Variants in CALCR observed in about 807,000 individuals in gnomAD.
CALCR encodes calcitonin receptor.
CALCR carries 47 observed loss-of-function variants against 59.5 expected under a neutral mutation model. The ratio of observed to expected loss-of-function variants is 0.79; its 90% CI spans 0.63 to 1.01. The LOEUF is 1.01. CALCR is among the 50% of genes least tolerant of loss of function. CALCR has a pLI of 0.00. For synonymous variants in CALCR, 213 were observed against 211.3 expected, an observed-to-expected ratio of 1.01 and a Z score of -0.07; for missense variants, 566 against 597.1, an observed-to-expected ratio of 0.95 and a Z score of 0.54.
intron 4 of CALCR, 69 bp from the exon 5 acceptor site, chr7:93,477,737 GA>G: frequency 1.0e-6 from 1 of 959,344 alleles, no homozygotes. Flanking sequence ...TTGATCCCAA[GA>G]CGATATTACA....
chr7:93,430,257 G>GA (rs1799631433), intron 13 of CALCR, among the ~76,000 whole-genome samples: 1 of 152,114 alleles, frequency 6.6e-6, no homozygotes, highest in Non-Finnish European at 1.5e-5. Flanking sequence ...TACAACTTCT[G>GA]AAAGCTAGAT....
intron 8 of CALCR, among the ~76,000 whole-genome samples, chr7:93,460,264 G>A (rs541030405): frequency 6.6e-5 from 10 of 151,958 alleles, no homozygotes; most frequent in African/African-American, 2.2e-4. Context: ...TCTTAGAAAT[G>A]CATGGTTTGG....
chr7:93,546,590 T>TTA, intron 2 of CALCR, among the ~76,000 whole-genome samples: 1 of 151,534 alleles, frequency 6.6e-6, no homozygotes, highest in Admixed American at 6.6e-5. Context: ...TTTTTTTTTT[T>TTA]AGACAGGGTG....
rs1232531743 is a variant in CALCR at position 93,470,127 on chromosome 7, T to C, written c.430-1321A>G. The stretch of plus-strand genomic sequence containing the variant: ...ATTCCATATTTTTGGGGCATTTTCA[T>C]TGTTGATACCACTCTCTTAATAGCA... On this transcript the variant is annotated intron_variant, in intron 6 of 13. Transcript: ENST00000426151. Among the ~76,000 whole-genome samples, 27 of 151,774 alleles carry C rather than the reference T, an allele frequency of 1.8e-4. No homozygotes were observed. In the Admixed American group the frequency reaches 1.8e-3, roughly 10 times the overall value.
intron 2 of CALCR, chr7:93,495,941 G>A: frequency 6.5e-7 from 1 of 1,527,028 alleles, no homozygotes; most frequent in South Asian, 1.2e-5. Context: ...TCCTGGGGTG[G>A]CAAAAGTGGG....
At chr7:93,565,193 G>A (rs7801320) in intron 2 of CALCR, among the ~76,000 whole-genome samples, 53,167 of 151,966 alleles carry the variant, frequency 0.35, 12,154 homozygotes, top group African/African-American at 0.65. Context: ...AGTTTTCATG[G>A]CAGAACTATT....
intron 4 of CALCR, among the ~76,000 whole-genome samples, chr7:93,478,496 A>C (rs989648643): frequency 6.6e-6 from 1 of 151,720 alleles, no homozygotes; most frequent in Non-Finnish European, 1.5e-5. Flanking sequence ...GGAGACCAGC[A>C]TGGACAACAT....
chr7:93,568,866 G>A (rs1340462677), intron 2 of CALCR, among the ~76,000 whole-genome samples: 2 of 151,962 alleles, frequency 1.3e-5, no homozygotes, highest in East Asian at 1.9e-4. Flanking sequence ...TCACATGGAT[G>A]AGCCAAAGAC....
At chr7:93,442,869 C>T (rs955379145) in intron 9 of CALCR, among the ~76,000 whole-genome samples, 2 of 152,082 alleles carry the variant, frequency 1.3e-5, no homozygotes, top group Non-Finnish European at 2.9e-5. Flanking sequence ...GTGTTTTTAT[C>T]GCAGCATTTA....
chr7:93,489,777 A>G (rs1801033188), intron 2 of CALCR, among the ~76,000 whole-genome samples: 2 of 152,032 alleles, frequency 1.3e-5, no homozygotes, highest in Admixed American at 6.6e-5. Flanking sequence ...ATGGCCTACC[A>G]ACCAAAAAAT....
Position 93,438,088 on chromosome 7 carries a change from A to C in CALCR, c.902T>G (p.Ile301Ser). The C allele has an allele frequency of 1.9e-6, 3 of 1,613,964 alleles. No individual in the cohort carries two copies. In the South Asian group the frequency reaches 3.3e-5, roughly 18 times the overall value. Reference protein sequence around the residue: ...LSVETHLLYIIHGPVMAALVV... With the variant: ...LSVETHLLYISHGPVMAALVV... ...AAGTGCCGCCATGACAGGTCCATGG[A>C]TTATGTAAAGCAAATGGGTTTCCAC... is the stretch of plus-strand genomic sequence containing the variant. Residue 301 changes from isoleucine (I) to serine (S), a missense_variant, in exon 11 of 14, where the codon ATC (isoleucine) becomes AGC (serine). Physicochemically the swap from Ile to Ser is moderately radical, Grantham distance 142 (BLOSUM62 -2). Transcript: ENST00000426151.
In CALCR at chr7:93,460,801, C is replaced by A; in HGVS notation, c.648+20G>T. The A allele has an allele frequency of 6.4e-7, 1 of 1,555,300 alleles. No homozygotes were observed. The highest frequency in any genetic ancestry group is 8.7e-7 in the Non-Finnish European group (1 of 1,155,606). On this transcript the variant is annotated intron_variant, in intron 8 of 13. Transcript: ENST00000426151. ...ATATCCTTTAAAATAAAAGTAAAAA[C>A]AAAACTATGCAGTACTTACCGGGTC...
intron 11 of CALCR, among the ~76,000 whole-genome samples, chr7:93,436,994 G>T (rs866380862): frequency 5.4e-5 from 8 of 149,528 alleles, no homozygotes; most frequent in Middle Eastern, 3.5e-3. Flanking sequence ...AACTATTAAG[G>T]TATAAATGAT....
intron 2 of CALCR, among the ~76,000 whole-genome samples, chr7:93,534,467 C>A (rs1373671429): frequency 2.0e-5 from 3 of 151,176 alleles, no homozygotes; most frequent in African/African-American, 7.3e-5. Flanking sequence ...AGATGGTAAG[C>A]CTGACTCCTT....
chr7:93,546,134 A>G (rs1789278996), intron 2 of CALCR, among the ~76,000 whole-genome samples: 1 of 152,162 alleles, frequency 6.6e-6, no homozygotes, highest in African/African-American at 2.4e-5. Context: ...ATAGCCCATT[A>G]ACTCTAACAA....
At chr7:93,509,127 G>C (rs899950540) in intron 2 of CALCR, among the ~76,000 whole-genome samples, 2 of 152,072 alleles carry the variant, frequency 1.3e-5, no homozygotes, top group Non-Finnish European at 2.9e-5. Flanking sequence ...TCAGGTAAAA[G>C]CATGGTGCCA....
intron 2 of CALCR, among the ~76,000 whole-genome samples, chr7:93,506,646 ATTT>A (rs111234461): frequency 1.4e-5 from 2 of 141,388 alleles, no homozygotes. Flanking sequence ...GTTGATTGTG[ATTT>A]TTTTTTTTTT....
intron 2 of CALCR, among the ~76,000 whole-genome samples, chr7:93,529,325 C>T (rs1003000650): frequency 2.0e-4 from 31 of 152,114 alleles, no homozygotes; most frequent in African/African-American, 7.5e-4. Context: ...TGTAAGATAC[C>T]TGCACCCCCT....
chr7:93,502,037 G>T (rs1801330536), intron 2 of CALCR, among the ~76,000 whole-genome samples: 1 of 152,092 alleles, frequency 6.6e-6, no homozygotes, highest in African/African-American at 2.4e-5. Context: ...AAGAAACTCT[G>T]TCTGTTATCC....
Sources: gnomAD v4.1 joint callset for allele counts (sites outside exome capture counted in the v4.1 genomes callset) on GRCh38, gnomAD v4.1.1 for gene constraint, MANE v1.5 for transcripts, NCBI Gene and HGNC (gene_info 2026-07-23, HGNC 2026-07-21) for gene names.